DNHD1: variants seen among roughly 807,000 people sequenced by gnomAD.
The protein encoded by DNHD1 is dynein heavy chain domain 1.
Under a neutral mutation model 458.1 loss-of-function variants are expected in DNHD1, and 383 were observed. The observed-to-expected ratio is 0.84, with a 90% confidence interval of 0.77 to 0.91. DNHD1 has a LOEUF of 0.91. Among genes scored for constraint, DNHD1 ranks in the 40% least tolerant of loss-of-function variants. The pLI, the probability that DNHD1 is intolerant of heterozygous loss-of-function variation, is 0.00. For synonymous variants in DNHD1, 2,203 were observed against 2,376.9 expected, an observed-to-expected ratio of 0.93 and a Z score of 2.13; for missense variants, 5,336 against 5,866.1, an observed-to-expected ratio of 0.91 and a Z score of 2.95.
rs1852071032 is a variant in DNHD1 at position 6,498,321 on chromosome 11, T to G, written c.106T>G (p.Leu36Val). The change falls in exon 3 of 43, where the codon TTG becomes GTG. Residue 36 changes from leucine (L) to valine (V), a missense_variant. Transcript: ENST00000254579. ...ICVLDSKEQP[L>V]ACQQKQRQFV... Reference sequence around the variant, plus strand: ...TGTCTTGGACAGCAAAGAACAGCCCTTGGCCTGCCAGCAGAAACAGAGGCA... The same window carrying G: ...TGTCTTGGACAGCAAAGAACAGCCCGTGGCCTGCCAGCAGAAACAGAGGCA... 1 of 1,614,236 alleles carries G rather than the reference T, an allele frequency of 6.2e-7. No individual in the cohort carries two copies. The highest frequency in any genetic ancestry group is 8.5e-7 in the Non-Finnish European group (1 of 1,180,042).
At chr11:6,507,312 T>G (rs1268768621) in intron 4 of DNHD1, among the ~76,000 whole-genome samples, 2 of 152,190 alleles carry the variant, frequency 1.3e-5, no homozygotes, top group Admixed American at 6.5e-5. Flanking sequence ...ATTTGTAGAA[T>G]GAGTGAATAT....
chr11:6,558,094 T>G lies in DNHD1; in HGVS notation c.8799T>G (p.His2933Gln), dbSNP rs1163133269. The G allele has an allele frequency of 1.2e-5, 18 of 1,551,520 alleles. No individual in the cohort carries two copies. The highest frequency in any genetic ancestry group is 1.6e-5 in the Non-Finnish European group (18 of 1,146,930). ...AATGTCTACGAGATGCCAGCTGGCA[T>G]GCTGGCATGTTAAGCCAGCCAGTGG... ...ILQCLRDASW[H>Q]AGMLSQPVAL... The change falls in exon 25 of 43, where the codon CAT becomes CAG. Residue 2933 changes from histidine to glutamine, a missense_variant. Physicochemically the swap from His to Gln is conservative, Grantham distance 24. Transcript: ENST00000254579.
In DNHD1 at chr11:6,513,753, A is replaced by G. The variant is rs540051556; in HGVS notation, c.1392+2324A>G. On this transcript the variant is annotated intron_variant, in intron 7 of 42. Coordinates refer to ENST00000254579, the MANE Select transcript of DNHD1 (RefSeq NM_144666.3). The stretch of plus-strand genomic sequence containing the variant: ...GCCAGGAGTGGAACTGCTAGAATAG[A>G]ATATATGTATGTTTTATACTGCCAA... Among the ~76,000 whole-genome samples, 73 of 152,304 alleles carry G rather than the reference A, an allele frequency of 4.8e-4. No individual in the cohort carries two copies. The South Asian group carries it at 0.014, about 30-fold the overall frequency.
intron 39 of DNHD1, 73 bp downstream of exon 39, chr11:6,568,939 G>A: frequency 6.9e-7 from 1 of 1,458,046 alleles, no homozygotes; most frequent in Non-Finnish European, 9.2e-7. Flanking sequence ...ATGCTGGGAT[G>A]AGTAAAACTA....
intron 25 of DNHD1, 72 bp downstream of exon 25, chr11:6,558,369 T>C: frequency 6.5e-7 from 1 of 1,532,832 alleles, no homozygotes; most frequent in Non-Finnish European, 8.8e-7. Flanking sequence ...CAAAAGGAAT[T>C]CTGTGGGCTG....
At chr11:6,570,453 C>A (rs1006396226) in intron 41 of DNHD1, 57 bp downstream of exon 41, 15 of 1,530,416 alleles carry the variant, frequency 9.8e-6, no homozygotes, top group Middle Eastern at 2.3e-4. Context: ...GCAATGCCAC[C>A]CCCCACAGAA....
rs889493166 is a variant in DNHD1 at position 6,568,822 on chromosome 11, C to T, written c.12819C>T (p.His4273=). The change falls in exon 39 of 43, where the codon CAC becomes CAT. Residue 4273 remains histidine (H), a synonymous_variant. Coordinates refer to ENST00000254579, the MANE Select transcript of DNHD1 (RefSeq NM_144666.3). Reference sequence around the variant, plus strand: ...TCCTCCTCCATGGCCTCCTGCTACACCGGCAGCTCTATGGAACAAGGCTGC... The same window carrying T: ...TCCTCCTCCATGGCCTCCTGCTACATCGGCAGCTCTATGGAACAAGGCTGC... ...PLLLLHGLLL[H]RQLYGTRLQA... 1 of 1,613,092 alleles carries T rather than the reference C, an allele frequency of 6.2e-7. No individual in the cohort carries two copies. Among genetic ancestry groups the T allele is most frequent in the South Asian group, 1.1e-5 (1 of 90,746 alleles).
intron 26 of DNHD1, 23 bp from the exon 27 acceptor site, chr11:6,558,879 G>A: frequency 6.4e-7 from 1 of 1,551,204 alleles, no homozygotes; most frequent in Non-Finnish European, 8.7e-7. Flanking sequence ...CACAGAGTGA[G>A]GCTAAAGCCA....
intron 19 of DNHD1, 147 bp downstream of exon 19, chr11:6,544,393 G>A: frequency 8.9e-7 from 1 of 1,118,310 alleles, no homozygotes; most frequent in Non-Finnish European, 1.3e-6. Flanking sequence ...GGGATGAAGA[G>A]ATCAGGTTTT....
rs1852773782 is a variant in DNHD1, at chr11:6,529,036, G to C, written c.2262G>C (p.Gln754His). Residue 754 changes from glutamine to histidine, a missense_variant, in exon 12 of 43, where the codon CAG becomes CAC. By Grantham distance (24) the Gln-to-His change is conservative. Around this residue, in one of 4 missense-constraint regions of DNHD1, gnomAD observed 3,932 missense variants for 4,365.6 expected, o/e 0.90. Coordinates refer to ENST00000254579, the MANE Select transcript of DNHD1 (RefSeq NM_144666.3). ...TGGTGAGCCGCCTGAATGTTTGGCAGGCCCGTGTCTCCAGTATGCCTATCG... is the reference window on the plus strand; with the variant it reads ...TGGTGAGCCGCCTGAATGTTTGGCACGCCCGTGTCTCCAGTATGCCTATCG... Reference protein sequence around the residue: ...VTLVSRLNVWQARVSSMPIEL... With the variant: ...VTLVSRLNVWHARVSSMPIEL... 9 of 1,551,240 alleles carry C rather than the reference G, an allele frequency of 5.8e-6. No individual in the cohort carries two copies. Among genetic ancestry groups the C allele is most frequent in the Non-Finnish European group, 7.8e-6 (9 of 1,147,002 alleles).
rs765215346 is a variant in DNHD1 at position 6,567,373 on chromosome 11, T to C, written c.11864T>C (p.Leu3955Pro). Residue 3955 changes from leucine (L) to proline (P), a missense_variant, in exon 36 of 43, where the codon CTG becomes CCG. Coordinates refer to ENST00000254579, the MANE Select transcript of DNHD1 (RefSeq NM_144666.3). ...GGGAAAGCATCAGAGCTGGAAAGAC[T>C]GGCACTCTGGCCTGGACTAGCAGCC... Reference protein sequence around the residue: ...ATGKASELERLALWPGLAASP... With the variant: ...ATGKASELERPALWPGLAASP... 1 of 1,613,990 alleles carries C rather than the reference T, an allele frequency of 6.2e-7. No homozygotes were observed.
At chr11:6,526,553 G>A (rs1852715378) in intron 10 of DNHD1, among the ~76,000 whole-genome samples, 1 of 151,868 alleles carries the variant, frequency 6.6e-6, no homozygotes, top group African/African-American at 2.4e-5. Flanking sequence ...AAGAAGACTT[G>A]GTTCAAAATA....
intron 18 of DNHD1, among the ~76,000 whole-genome samples, chr11:6,543,786 C>A (rs892223309): frequency 6.6e-6 from 1 of 151,708 alleles, no homozygotes; most frequent in Non-Finnish European, 1.5e-5. Context: ...ATGGTGAAAC[C>A]CCGTCTCTAC....
rs1368945321 is a variant in DNHD1 at position 6,545,800 on chromosome 11, C to T, written c.4861C>T (p.Gln1621Ter). Residue 1621 changes from glutamine to a stop codon, truncating the protein, a stop_gained, in exon 21 of 43, where the codon CAG becomes TAG. Transcript: ENST00000254579. LOFTEE classifies it high-confidence loss of function. This position sits in a 1 kb window ranked among gnomAD's most constrained non-coding sequence, Gnocchi z 4.9. ...SPHIIPKSPL[Q>*]SLKTIASSEP... Reference sequence around the variant, plus strand: ...TCACATAATCCCCAAAAGCCCCCTACAGAGTCTTAAGACTATTGCATCTTC... The same window carrying T: ...TCACATAATCCCCAAAAGCCCCCTATAGAGTCTTAAGACTATTGCATCTTC... 1 of 1,551,894 alleles carries T rather than the reference C, an allele frequency of 6.4e-7. No individual in the cohort carries two copies. The highest frequency in any genetic ancestry group is 2.0e-5 in the Admixed American group (1 of 51,010).
In DNHD1 at chr11:6,559,090, A is replaced by G; in HGVS notation, c.9400A>G (p.Lys3134Glu). Residue 3134 changes from lysine to glutamate, a missense_variant, in exon 27 of 43, where the codon AAG (lysine) becomes GAG (glutamate). Coordinates refer to ENST00000254579, the MANE Select transcript of DNHD1 (RefSeq NM_144666.3). ...GCAGCAACAGACAATCCTGAAGATT[A>G]AGAACAAGGCCCAGCGGTGAGTGTC... is the stretch of plus-strand genomic sequence containing the variant. Reference protein sequence around the residue: ...MLQQQTILKIKNKAQRVQNAL... With the variant: ...MLQQQTILKIENKAQRVQNAL... The G allele has an allele frequency of 6.4e-7, 1 of 1,551,682 alleles. No individual in the cohort carries two copies. The highest frequency in any genetic ancestry group is 2.4e-5 in the East Asian group (1 of 40,920).
intron 11 of DNHD1, 37 bp from the exon 12 acceptor site, chr11:6,528,841 C>G: frequency 6.5e-7 from 1 of 1,550,216 alleles, no homozygotes; most frequent in Non-Finnish European, 8.7e-7. Context: ...CCATTATAGC[C>G]GCATGCCTCT....
At chr11:6,497,410 C>G (rs1258267696) in intron 1 of DNHD1, 79 bp downstream of exon 1, 3 of 152,600 alleles carry the variant, frequency 2.0e-5, no homozygotes, top group African/African-American at 7.2e-5. Context: ...CTTCCCCGCT[C>G]TCCCAGCCCC....
rs1564826088 is a variant in DNHD1 at position 6,570,798 on chromosome 11, G to GTC, written c.13286_13287insTC (p.Arg4430GlnfsTer15). On this transcript the variant is annotated frameshift_variant, in exon 42 of 43. Transcript: ENST00000254579. LOFTEE classifies it high-confidence loss of function. ...TCACCCGTGTGGGTTCCTGAGTCTC[G>GTC]AAGAGGCGCCCAGCTTGCGGAAAGG... 6.2e-7 allele frequency: 1 copy of GTC among 1,613,740 alleles called. No individual in the cohort carries two copies. Among genetic ancestry groups the GTC allele is most frequent in the East Asian group, 2.2e-5 (1 of 44,874 alleles).
At chr11:6,509,460 G>A (rs1852294811) in intron 6 of DNHD1, among the ~76,000 whole-genome samples, 188 bp downstream of exon 6, 1 of 152,068 alleles carries the variant, frequency 6.6e-6, no homozygotes, top group Non-Finnish European at 1.5e-5. Flanking sequence ...TACACAAAAT[G>A]TGATCATACC....
Sources: gnomAD v4.1 joint callset for allele counts (sites outside exome capture counted in the v4.1 genomes callset) on GRCh38, gnomAD v4.1.1 for gene constraint, gnomAD v4.1.1 regional missense constraint, Gnocchi (gnomAD v3.1) non-coding constraint, MANE v1.5 for transcripts, NCBI Gene and HGNC (gene_info 2026-07-23, HGNC 2026-07-21) for gene names.